The following SPACA6 variants were observed in gnomAD, a reference collection of about 807,000 sequenced individuals.
The protein encoded by SPACA6 is sperm acrosome membrane-associated protein 6.
For synonymous variants in SPACA6, 6 were observed against 1.5 expected (o/e 4.05, Z -2.21); for missense variants, 8 against 2.8 (o/e 2.88, Z -1.34).
At position 51,694,520 on chromosome 19, in the gene SPACA6, T is replaced by C. The variant is rs897851080; in HGVS notation, c.257T>C (p.Met86Thr). 3.8e-5 allele frequency: 15 copies of C among 399,516 alleles called. No individual in the cohort carries two copies. Among genetic ancestry groups the C allele is most frequent in the African/African-American group, 2.5e-4 (12 of 48,632 alleles). 24.7% of individuals were successfully genotyped at this position (399,516 alleles called of 1,614,324 possible). Residue 86 changes from methionine to threonine, a missense_variant, in exon 2 of 9, where the codon ATG (methionine) becomes ACG (threonine). Met to Thr is a moderately conservative substitution (Grantham distance 81). Coordinates refer to ENST00000637797, the MANE Select transcript of SPACA6 (RefSeq NM_001316972.2). ...CACCTGCATGACACCTTCACCCAGATGACCCATGCCCTGCAGGAGCTGGCT... is the reference window on the plus strand; with the variant it reads ...CACCTGCATGACACCTTCACCCAGACGACCCATGCCCTGCAGGAGCTGGCT... The part of the protein sequence containing the change: ...RSHLHDTFTQ[M>T]THALQELAAA...
At chr19:51,705,643 C>T (rs1244178054), downstream of SPACA6, among the ~76,000 whole-genome samples, 1 of 152,116 alleles carries the variant, frequency 6.6e-6, no homozygotes, top group African/African-American at 2.4e-5. Context: ...CCACCACCTC[C>T]TTGGCCTCTC....
At chr19:51,706,130 T>G (rs2083514693), downstream of SPACA6, among the ~76,000 whole-genome samples, 1 of 152,212 alleles carries the variant, frequency 6.6e-6, no homozygotes, top group Admixed American at 6.5e-5. Flanking sequence ...TGGCCTTTGC[T>G]GACCTCACCA....
downstream of SPACA6, among the ~76,000 whole-genome samples, chr19:51,712,879 C>T (rs754761261): frequency 6.6e-5 from 10 of 152,148 alleles, no homozygotes; most frequent in South Asian, 2.1e-4. Context: ...TGCCAGTGTG[C>T]GGCAGGTGGC....
intron 2 of SPACA6, among the ~76,000 whole-genome samples, chr19:51,695,689 C>G (rs2083424927): frequency 6.6e-6 from 1 of 152,206 alleles, no homozygotes; most frequent in African/African-American, 2.4e-5. Context: ...TGCCTTGTTA[C>G]AGAAGCTTTT....
upstream of SPACA6, chr19:51,692,588 C>G (rs763413703): frequency 1.9e-5 from 10 of 517,264 alleles, 1 homozygote; most frequent in South Asian, 1.1e-4. The surrounding 1 kb of genome is among the most constrained non-coding windows in gnomAD (Gnocchi z 5.6). Context: ...GAGGAGGGGC[C>G]GGGGGCCCGG....
At chr19:51,701,462 G>T (rs943410695) in intron 2 of SPACA6, among the ~76,000 whole-genome samples, 196 bp from the exon 3 acceptor site, 1 of 152,112 alleles carries the variant, frequency 6.6e-6, no homozygotes, top group Admixed American at 6.5e-5. Context: ...CAGAGGGCGG[G>T]TGATGAGAAG....
intron 2 of SPACA6, 56 bp downstream of exon 2, chr19:51,694,611 G>C (rs1007562102): frequency 2.5e-6 from 1 of 399,396 alleles, no homozygotes; most frequent in Non-Finnish European, 4.4e-6. Flanking sequence ...CCTAAGAAAT[G>C]GGTATGTGGG....
chr19:51,701,426 C>T (rs2083467577), intron 2 of SPACA6, among the ~76,000 whole-genome samples: 1 of 152,044 alleles, frequency 6.6e-6, no homozygotes, highest in Admixed American at 6.6e-5. Flanking sequence ...AGAAAGGAGA[C>T]TTAGGGACTT....
intron 2 of SPACA6, among the ~76,000 whole-genome samples, chr19:51,696,793 A>G (rs2083434009): frequency 6.6e-6 from 1 of 152,156 alleles, no homozygotes; most frequent in Non-Finnish European, 1.5e-5. Context: ...TGGAAATGAC[A>G]GGGTCCAGTT....
intron 2 of SPACA6, among the ~76,000 whole-genome samples, chr19:51,698,248 C>T (rs1277541944): frequency 6.6e-6 from 1 of 152,104 alleles, no homozygotes; most frequent in Non-Finnish European, 1.5e-5. Context: ...AGGACTCAGA[C>T]CCAGATGATC....
the SPACA6 span, among the ~76,000 whole-genome samples, chr19:51,683,946 C>A: frequency 8.7e-6 from 1 of 114,854 alleles, no homozygotes; most frequent in African/African-American, 3.6e-5. Flanking sequence ...GAAACTAAAA[C>A]AATATATATG....
intron 2 of SPACA6, among the ~76,000 whole-genome samples, chr19:51,694,931 T>G (rs1009448291): frequency 3.9e-5 from 6 of 152,000 alleles, no homozygotes; most frequent in Admixed American, 1.3e-4. Context: ...GGGACAATCT[T>G]CTTGCCTCCT....
chr19:51,704,338 C>T lies in SPACA6; in HGVS notation c.799C>T (p.Pro267Ser), dbSNP rs2083497215. ...ASFREVLRWA[P>S]RDAELIEPWR... ...GTTCCGGGAAGTGCTGCGCTGGGCG[C>T]CGCGGGATGCCGAGCTGATCGAGCC... The change falls in exon 8 of 9, where the codon CCG becomes TCG. Residue 267 changes from proline to serine, a missense_variant. Coordinates refer to ENST00000637797, the MANE Select transcript of SPACA6 (RefSeq NM_001316972.2). 2.5e-6 allele frequency: 1 copy of T among 400,906 alleles called. No individual in the cohort carries two copies. Among genetic ancestry groups the T allele is most frequent in the African/African-American group, 2.0e-5 (1 of 48,788 alleles). 24.8% of individuals were successfully genotyped at this position (400,906 alleles called of 1,614,324 possible). A position where few individuals can be genotyped will look rare whatever the true frequency, so the allele number is the denominator to read the frequency against.
At chr19:51,700,666 G>A (rs1473327224) in intron 2 of SPACA6, among the ~76,000 whole-genome samples, 1 of 152,116 alleles carries the variant, frequency 6.6e-6, no homozygotes, top group African/African-American at 2.4e-5. Context: ...GCCCTCTCCA[G>A]GATCCAGAGG....
At chr19:51,689,569 G>A (rs1432810054), upstream of SPACA6, 1 of 151,262 alleles carries the variant, frequency 6.6e-6, no homozygotes, top group Non-Finnish European at 1.5e-5. Context: ...TGCGACGCGG[G>A]AGCCGCGGGA....
intron 2 of SPACA6, among the ~76,000 whole-genome samples, chr19:51,698,460 T>A (rs1295163751): frequency 6.6e-6 from 1 of 152,210 alleles, no homozygotes; most frequent in African/African-American, 2.4e-5. Context: ...ACGCTCACCC[T>A]GCCCATGAGT....
At position 51,693,538 on chromosome 19, in the gene SPACA6, G is replaced by T; in HGVS notation, c.12G>T (p.Leu4=). The part of the protein sequence containing the change: MAL[L]ALASAVPSAL... ...TTGAGACCCACACGATGGCCCTGCTGGCTCTGGCCAGTGCCGTCCCGTCTG... is the reference window on the plus strand; with the variant it reads ...TTGAGACCCACACGATGGCCCTGCTTGCTCTGGCCAGTGCCGTCCCGTCTG... The change falls in exon 1 of 9, where the codon CTG becomes CTT. Residue 4 remains leucine, a synonymous_variant. Coordinates refer to ENST00000637797, the MANE Select transcript of SPACA6 (RefSeq NM_001316972.2). 2.1e-6 allele frequency: 1 copy of T among 484,682 alleles called. No homozygotes were observed. The highest frequency in any genetic ancestry group is 3.8e-5 in the South Asian group (1 of 26,230). 30.0% of individuals were successfully genotyped at this position (484,682 alleles called of 1,614,324 possible). A position where few individuals can be genotyped will look rare whatever the true frequency, so the allele number is the denominator to read the frequency against.
intron 2 of SPACA6, among the ~76,000 whole-genome samples, chr19:51,710,382 G>A (rs2083536356): frequency 6.6e-6 from 1 of 152,222 alleles, no homozygotes; most frequent in South Asian, 2.1e-4. Context: ...ACTTCCATGT[G>A]GTAGTGGCTA....
In SPACA6 at chr19:51,693,706, G is replaced by A. The variant is rs1014212886; in HGVS notation, c.180G>A (p.Thr60=). The change falls in exon 1 of 9, where the codon ACG becomes ACA. Residue 60 remains threonine, a synonymous_variant. Transcript: ENST00000637797. ...TTGAAGAGTGTGAGGAGGCCTTCAC[G>A]GCCGCCTTCCAGGGCCTCTCTGACA... is the stretch of plus-strand genomic sequence containing the variant. The part of the protein sequence containing the change: ...PKLEECEEAF[T]AAFQGLSDTE... 11 of 406,948 alleles carry A rather than the reference G, an allele frequency of 2.7e-5. No homozygotes were observed. The highest frequency in any genetic ancestry group is 4.2e-5 in the Admixed American group (1 of 23,798). The allele number at this position is 406,948 out of a possible 1,614,324, so 25.2% of individuals were successfully genotyped here. A position where few individuals can be genotyped will look rare whatever the true frequency, so the allele number is the denominator to read the frequency against.
Sources: gnomAD v4.1 joint callset for allele counts (sites outside exome capture counted in the v4.1 genomes callset) on GRCh38, gnomAD v4.1.1 for gene constraint, Gnocchi (gnomAD v3.1) non-coding constraint, MANE v1.5 for transcripts, NCBI Gene and HGNC (gene_info 2026-07-23, HGNC 2026-07-21) for gene names.